Variants in TDP1 observed in about 807,000 individuals in gnomAD.
The protein encoded by TDP1 is tyr-DNA phosphodiesterase 1.
In TDP1, 64 loss-of-function variants were observed where a neutral mutation model predicts 81.5. That is an observed-to-expected ratio of 0.79 (90% CI 0.64 to 0.97). The LOEUF is 0.97. Ranked by LOEUF, TDP1 falls within the 50% of genes least tolerant of loss-of-function variation. The probability of loss-of-function intolerance (pLI) is 0.00; values close to 1 mark genes in which losing one functional copy is unlikely to be tolerated. For missense variants in TDP1, 723 were observed against 743.8 expected, an observed-to-expected ratio of 0.97 and a Z score of 0.33; for synonymous variants, 256 against 264.3, an observed-to-expected ratio of 0.97 and a Z score of 0.30.
intron 15 of TDP1, among the ~76,000 whole-genome samples, chr14:90,026,064 G>A (rs1163245766): frequency 6.6e-6 from 1 of 152,212 alleles, no homozygotes; most frequent in Non-Finnish European, 1.5e-5. Context: ...TTGGTCCTGT[G>A]CTAGTGGGTT....
At chr14:90,032,938 C>A in intron 15 of TDP1, 168 bp from the exon 16 acceptor site, 1 of 851,266 alleles carries the variant, frequency 1.2e-6, no homozygotes, top group Non-Finnish European at 1.4e-6. Context: ...TAATTTGGGG[C>A]GGGGGGGTTG....
intron 5 of TDP1, chr14:89,970,926 C>T (rs8020897): frequency 0.068 from 15,785 of 233,070 alleles, 1,807 homozygotes; most frequent in African/African-American, 0.28. Context: ...GCAACCTTCA[C>T]CTCCCAGGTT....
At chr14:90,004,682 T>A (rs991222457) in intron 14 of TDP1, among the ~76,000 whole-genome samples, 17 of 152,190 alleles carry the variant, frequency 1.1e-4, no homozygotes, top group African/African-American at 4.1e-4. Context: ...GTCCCTGCTC[T>A]CATGAACTTG....
chr14:89,998,420 A>ATATATATATATG (rs1566891293), intron 14 of TDP1, among the ~76,000 whole-genome samples: 5 of 79,278 alleles, frequency 6.3e-5, no homozygotes, highest in African/African-American at 1.3e-4. Flanking sequence ...ATATATATAT[A>ATATATATATATG]TATGTATGTA....
At chr14:90,030,811 C>G (rs1266315501) in intron 15 of TDP1, among the ~76,000 whole-genome samples, 3 of 151,354 alleles carry the variant, frequency 2.0e-5, no homozygotes, top group African/African-American at 7.3e-5. Flanking sequence ...TGTCACCTAG[C>G]CTGGAGTGCA....
chr14:89,979,130 G>T (rs1347343130), intron 7 of TDP1, among the ~76,000 whole-genome samples: 2 of 152,140 alleles, frequency 1.3e-5, no homozygotes, highest in African/African-American at 4.8e-5. Flanking sequence ...AGTCAAGACA[G>T]AGTTACAGCC....
At chr14:90,029,365 T>A (rs971307005) in intron 15 of TDP1, among the ~76,000 whole-genome samples, 3 of 151,736 alleles carry the variant, frequency 2.0e-5, no homozygotes, top group Non-Finnish European at 4.4e-5. Context: ...ACCTGGCTAA[T>A]TTTTTGTATT....
chr14:90,011,246 A>G (rs1018700511), intron 14 of TDP1, among the ~76,000 whole-genome samples: 5 of 152,174 alleles, frequency 3.3e-5, no homozygotes, highest in African/African-American at 1.2e-4. Context: ...AGTCTTGGGT[A>G]TGTCTTTATT....
chr14:89,970,653 A>G (rs899986538), intron 5 of TDP1: 7 of 192,842 alleles, frequency 3.6e-5, no homozygotes, highest in Non-Finnish European at 6.6e-5. Context: ...ACAGAGCTGC[A>G]GAATCAGGCC....
intron 2 of TDP1, among the ~76,000 whole-genome samples, chr14:89,958,634 A>T (rs1353955220): frequency 6.6e-6 from 1 of 152,208 alleles, no homozygotes; most frequent in Non-Finnish European, 1.5e-5. Flanking sequence ...AAGGGTAGAT[A>T]TATGTAAAGT....
At chr14:90,016,724 TAC>T (rs137874807) in intron 14 of TDP1, among the ~76,000 whole-genome samples, 2 of 151,750 alleles carry the variant, frequency 1.3e-5, no homozygotes, top group African/African-American at 4.8e-5. Context: ...CTTTAAGAAA[TAC>T]ACACACACAC....
intron 7 of TDP1, among the ~76,000 whole-genome samples, chr14:89,979,414 A>AT (rs1894728927): frequency 6.6e-6 from 1 of 151,670 alleles, no homozygotes; most frequent in Non-Finnish European, 1.5e-5. Context: ...GCTTCAACTG[A>AT]TTCACCTGCC....
At chr14:90,034,839 C>T (rs551259213) in intron 16 of TDP1, among the ~76,000 whole-genome samples, 3 of 152,328 alleles carry the variant, frequency 2.0e-5, no homozygotes, top group East Asian at 3.9e-4. Context: ...TTGGCCTTGC[C>T]CAGTGGTTCC....
At chr14:90,034,307 C>T (rs2140327411) in intron 16 of TDP1, among the ~76,000 whole-genome samples, 1 of 152,284 alleles carries the variant, frequency 6.6e-6, no homozygotes, top group East Asian at 1.9e-4. Context: ...ATAATGTTGA[C>T]TTCACAGGCC....
intron 14 of TDP1, among the ~76,000 whole-genome samples, chr14:90,012,074 C>G (rs111738056): frequency 3.3e-5 from 5 of 152,228 alleles, no homozygotes; most frequent in African/African-American, 1.2e-4. Flanking sequence ...ACTTGGTGCC[C>G]TGCATCCCAG....
At chr14:89,971,371 C>T in intron 6 of TDP1, 100 bp downstream of exon 6, 6 of 836,054 alleles carry the variant, frequency 7.2e-6, no homozygotes, top group Non-Finnish European at 1.2e-5. Context: ...ATCCTCTCTC[C>T]AGCATCAGTC....
chr14:89,988,761 G>A, intron 10 of TDP1, 144 bp from the exon 11 acceptor site: 1 of 1,514,518 alleles, frequency 6.6e-7, no homozygotes, highest in African/African-American at 1.4e-5. Context: ...AAGTATGTAT[G>A]TGTGGGTATG....
chr14:90,040,688 G>A (rs1888272331), intron 16 of TDP1, among the ~76,000 whole-genome samples: 1 of 152,232 alleles, frequency 6.6e-6, no homozygotes, highest in Non-Finnish European at 1.5e-5. Context: ...GTTCTCTCAT[G>A]GGACAATTTA....
At chr14:89,982,280 G>A (rs1185601340) in intron 8 of TDP1, among the ~76,000 whole-genome samples, 1 of 152,114 alleles carries the variant, frequency 6.6e-6, no homozygotes, top group East Asian at 1.9e-4. Context: ...CAGGGTTGAG[G>A]GGATAGCTGC....
Sources: gnomAD v4.1 joint callset for allele counts (sites outside exome capture counted in the v4.1 genomes callset) on GRCh38, gnomAD v4.1.1 for gene constraint, MANE v1.5 for transcripts, NCBI Gene and HGNC (gene_info 2026-07-23, HGNC 2026-07-21) for gene names.